DCAF10: variants seen among roughly 807,000 people sequenced by gnomAD.
The protein encoded by DCAF10 is DDB1 and CUL4 associated factor 10.
A neutral mutation model predicts 51.9 loss-of-function variants in DCAF10; 19 were observed. The ratio of observed to expected loss-of-function variants is 0.37; its 90% confidence interval spans 0.26 to 0.54. DCAF10 has a LOEUF of 0.54. Ranked by LOEUF, DCAF10 falls within the 20% of genes least tolerant of loss-of-function variation. The pLI is 0.87. For synonymous variants in DCAF10, 291 were observed against 297.1 expected (o/e 0.98, Z 0.21); for missense variants, 510 against 730.6 (o/e 0.70, Z 3.48).
chr9:37,814,111 TATATATATATATA>T (rs370947319), intron 1 of DCAF10, among the ~76,000 whole-genome samples: 1 of 94,522 alleles, frequency 1.1e-5, no homozygotes, highest in African/African-American at 3.9e-5. Flanking sequence ...TATATATATA[TATATATATATATA>T]TATTTGTTGT....
intron 3 of DCAF10, among the ~76,000 whole-genome samples, chr9:37,842,894 T>C (rs1830374285): frequency 6.6e-6 from 1 of 152,236 alleles, no homozygotes; most frequent in African/African-American, 2.4e-5. Context: ...ACAAAATGTC[T>C]CCTTATAAAG....
At chr9:37,854,270 AT>A (rs1830780652) in intron 3 of DCAF10, among the ~76,000 whole-genome samples, 1 of 151,816 alleles carries the variant, frequency 6.6e-6, no homozygotes. Context: ...CAGCTAATTT[AT>A]TTTAATTTTT....
At chr9:37,848,245 A>G (rs1392336731) in intron 3 of DCAF10, among the ~76,000 whole-genome samples, 1 of 152,216 alleles carries the variant, frequency 6.6e-6, no homozygotes, top group Non-Finnish European at 1.5e-5. Context: ...AAATGAACAT[A>G]TATGGCCACA....
intron 4 of DCAF10, 29 bp downstream of exon 4, chr9:37,855,011 T>G: frequency 6.4e-7 from 1 of 1,564,148 alleles, no homozygotes; most frequent in Non-Finnish European, 8.6e-7. Flanking sequence ...GTCAAAAAGA[T>G]TTTTCTCGAG....
rs553517522 is a variant in DCAF10 at position 37,801,857 on chromosome 9, G to A, written c.539+452G>A. Among the ~76,000 whole-genome samples, 1 of 152,278 alleles carries A rather than the reference G, an allele frequency of 6.6e-6. No homozygotes were observed. Among genetic ancestry groups the A allele is most frequent in the South Asian group, 2.1e-4 (1 of 4,824 alleles). The stretch of plus-strand genomic sequence containing the variant: ...TCTGTACCTGAACTTGCCATGATGG[G>A]GCAAGTGCGTTCCTTTGCTCAAGGA... On this transcript the variant is annotated intron_variant, in intron 1 of 6. Coordinates refer to ENST00000377724, the MANE Select transcript of DCAF10 (RefSeq NM_024345.5). This position sits in a 1 kb window ranked among gnomAD's most constrained non-coding sequence, Gnocchi z 5.5.
chr9:37,821,648 C>G (rs1419196584), intron 2 of DCAF10, among the ~76,000 whole-genome samples: 2 of 152,136 alleles, frequency 1.3e-5, no homozygotes, highest in Non-Finnish European at 2.9e-5. Context: ...GGATTAAGGA[C>G]TTAAACCTAA....
At chr9:37,850,824 T>TTTTA (rs1188291953) in intron 3 of DCAF10, among the ~76,000 whole-genome samples, 1 of 54,520 alleles carries the variant, frequency 1.8e-5, no homozygotes, top group South Asian at 7.4e-4. Flanking sequence ...TGAGGATATA[T>TTTTA]TTTATATATA....
chr9:37,800,952 C>T lies in DCAF10; in HGVS notation c.86C>T (p.Ala29Val). ...AEEPTPHEGQAAATGPPSPLH... is the reference protein window; with the variant it reads ...AEEPTPHEGQVAATGPPSPLH... The stretch of plus-strand genomic sequence containing the variant: ...GAGCCGACGCCCCACGAGGGGCAGG[C>T]AGCAGCCACCGGGCCGCCCTCGCCA... Residue 29 changes from alanine to valine, a missense_variant, in exon 1 of 7, where the codon GCA becomes GTA. By Grantham distance (64) the Ala-to-Val change is moderately conservative (BLOSUM62 0). Transcript: ENST00000377724. 3 of 1,501,822 alleles carry T rather than the reference C, an allele frequency of 2.0e-6. No homozygotes were observed. The highest frequency in any genetic ancestry group is 2.1e-5 in the Admixed American group (1 of 47,546). The allele number at this position is 1,501,822 out of a possible 1,614,324, so 93.0% of individuals were successfully genotyped here.
intron 2 of DCAF10, among the ~76,000 whole-genome samples, chr9:37,828,050 T>C (rs559288458): frequency 4.8e-4 from 73 of 152,058 alleles, no homozygotes; most frequent in Non-Finnish European, 9.1e-4. Flanking sequence ...CCCCTGGCTA[T>C]TAAAAAAAAT....
At chr9:37,843,499 A>C (rs778568815) in intron 3 of DCAF10, among the ~76,000 whole-genome samples, 8 of 152,224 alleles carry the variant, frequency 5.3e-5, no homozygotes, top group Non-Finnish European at 1.2e-4. Context: ...TTGAATAGAA[A>C]TATAAATGTA....
intron 3 of DCAF10, among the ~76,000 whole-genome samples, chr9:37,852,930 T>TATATATATATATATA (rs1830710395): frequency 9.1e-6 from 1 of 109,822 alleles, no homozygotes; most frequent in Non-Finnish European, 1.8e-5. Context: ...GTATGTGAGG[T>TATATATATATATATA]TATATATATA....
At chr9:37,814,127 T>TATATTTGTTGTTGTTG (rs1554685262) in intron 1 of DCAF10, among the ~76,000 whole-genome samples, 1 of 100,652 alleles carries the variant, frequency 9.9e-6, no homozygotes, top group African/African-American at 4.1e-5. Context: ...TATATATATA[T>TATATTTGTTGTTGTTG]TTGTTGTTGT....
At chr9:37,849,668 G>T (rs531869895) in intron 3 of DCAF10, among the ~76,000 whole-genome samples, 137 of 152,258 alleles carry the variant, frequency 9.0e-4, no homozygotes, top group Non-Finnish European at 1.4e-3. Flanking sequence ...AGATCATGAG[G>T]TCAGGAGTTC....
At chr9:37,860,528 G>GTA (rs1161324871) in intron 6 of DCAF10, 1 of 220,130 alleles carries the variant, frequency 4.5e-6, no homozygotes, top group East Asian at 1.0e-4. Flanking sequence ...AAAACCCCTT[G>GTA]TATAATAAAC....
chr9:37,830,440 C>A (rs1383636557), intron 2 of DCAF10, among the ~76,000 whole-genome samples: 1 of 152,110 alleles, frequency 6.6e-6, no homozygotes, highest in Non-Finnish European at 1.5e-5. Flanking sequence ...CAAAACAATA[C>A]TATAAAGTGT....
At position 37,862,216 on chromosome 9, in the gene DCAF10, G is replaced by C. The variant is rs1308596005; in HGVS notation, c.*708G>C. On this transcript the variant is annotated 3_prime_UTR_variant, in exon 7 of 7. Coordinates refer to ENST00000377724, the MANE Select transcript of DCAF10 (RefSeq NM_024345.5). ...CCTCTCTTTGTAATTTACTTTACTTGTATGAATTTAACATCTCTAGCATGT... is the reference window on the plus strand; with the variant it reads ...CCTCTCTTTGTAATTTACTTTACTTCTATGAATTTAACATCTCTAGCATGT... 6.6e-6 allele frequency: 1 copy of C among 152,538 alleles called. No homozygotes were observed. The highest frequency in any genetic ancestry group is 1.5e-5 in the Non-Finnish European group (1 of 68,028). The allele number at this position is 152,538 out of a possible 1,614,324, so 9.4% of individuals were successfully genotyped here.
chr9:37,835,243 TG>T (rs765099137), intron 2 of DCAF10, among the ~76,000 whole-genome samples: 5 of 152,094 alleles, frequency 3.3e-5, no homozygotes, highest in Non-Finnish European at 5.9e-5. Context: ...AAAACCCACT[TG>T]GCCAACATGT....
intron 3 of DCAF10, among the ~76,000 whole-genome samples, chr9:37,845,951 A>C (rs1830460459): frequency 1.3e-5 from 2 of 152,230 alleles, no homozygotes; most frequent in Non-Finnish European, 2.9e-5. Context: ...ATTGCAAATA[A>C]GAGAGAACAT....
chr9:37,852,152 GA>G (rs898185519), intron 3 of DCAF10, among the ~76,000 whole-genome samples: 5 of 152,060 alleles, frequency 3.3e-5, no homozygotes, highest in African/African-American at 1.2e-4. Flanking sequence ...CCAGAGGGGG[GA>G]AAAAAGATAA....
Sources: gnomAD v4.1 joint callset for allele counts (sites outside exome capture counted in the v4.1 genomes callset) on GRCh38, gnomAD v4.1.1 for gene constraint, Gnocchi (gnomAD v3.1) non-coding constraint, MANE v1.5 for transcripts, NCBI Gene and HGNC (gene_info 2026-07-23, HGNC 2026-07-21) for gene names.